Variants in PIGX observed in about 807,000 individuals in gnomAD.
PIGX encodes the protein phosphatidylinositol glycan anchor biosynthesis class X.
In PIGX, 24 loss-of-function variants were observed where a neutral mutation model predicts 28.7. That is an observed-to-expected ratio of 0.84 (90% CI 0.60 to 1.17). The LOEUF is 1.17. PIGX is among the 50% of genes most tolerant of loss of function. PIGX has a pLI of 0.00. For missense variants in PIGX, 305 were observed against 317.8 expected (o/e 0.96, Z 0.31); for synonymous variants, 127 against 121.0 (o/e 1.05, Z -0.33).
In PIGX at chr3:196,728,109, C is replaced by A. The variant is rs1460574197; in HGVS notation, c.505C>A (p.Pro169Thr). ...AGAAGCCTCGATTGTGGTCAATAACCCAGATTTGTTGATGTTTTGTGACCA... is the reference window on the plus strand; with the variant it reads ...AGAAGCCTCGATTGTGGTCAATAACACAGATTTGTTGATGTTTTGTGACCA... The change falls in exon 4 of 6, where the codon CCA (proline) becomes ACA (threonine). Residue 169 changes from proline (P) to threonine (T), a missense_variant. Pro to Thr is a conservative substitution (Grantham distance 38). Coordinates refer to ENST00000392391, the MANE Select transcript of PIGX (RefSeq NM_017861.4). 1.2e-6 allele frequency: 2 copies of A among 1,614,006 alleles called. No individual in the cohort carries two copies. Among genetic ancestry groups the A allele is most frequent in the Non-Finnish European group, 1.7e-6 (2 of 1,179,938 alleles).
At chr3:196,728,937 G>T (rs1712631080) in intron 4 of PIGX, among the ~76,000 whole-genome samples, 1 of 152,154 alleles carries the variant, frequency 6.6e-6, no homozygotes, top group South Asian at 2.1e-4. Context: ...TGTTTGGGAA[G>T]ATATTTTATC....
At chr3:196,726,569 A>C (rs1052867325) in intron 3 of PIGX, 1 of 427,874 alleles carries the variant, frequency 2.3e-6, no homozygotes, top group Non-Finnish European at 4.7e-6. Flanking sequence ...GTACTCTATG[A>C]GTACTTCAAA....
In PIGX at chr3:196,735,294, C is replaced by CAAAAAAAAAAAAAAAAAA. The variant is rs60317348; in HGVS notation, c.*1405_*1422dup. On this transcript the variant is annotated 3_prime_UTR_variant, in exon 6 of 6. Transcript: ENST00000392391. The stretch of plus-strand genomic sequence containing the variant: ...TGGGCGACAGAGTGAGACTCTGTCT[C>CAAAAAAAAAAAAAAAAAA]AAAAAAAAAAAAAAAAAAAAAAAAA... 8 of 45,236 alleles carry CAAAAAAAAAAAAAAAAAA rather than the reference C, an allele frequency of 1.8e-4. No homozygotes were observed. The highest frequency in any genetic ancestry group is 5.1e-3 in the East Asian group (2 of 390). The allele number at this position is 45,236 out of a possible 1,614,324, so 2.8% of individuals were successfully genotyped here. A position where few individuals can be genotyped will look rare whatever the true frequency, so the allele number is the denominator to read the frequency against.
rs1712919939 is a variant in PIGX, at chr3:196,733,997, G to C, written c.*95G>C. The C allele has an allele frequency of 1.2e-6, 1 of 843,796 alleles. No individual in the cohort carries two copies. Among genetic ancestry groups the C allele is most frequent in the Non-Finnish European group, 1.9e-6 (1 of 533,606 alleles). 52.3% of individuals were successfully genotyped at this position (843,796 alleles called of 1,614,324 possible). On this transcript the variant is annotated 3_prime_UTR_variant, in exon 6 of 6. Transcript: ENST00000392391. This position sits in a 1 kb window ranked among gnomAD's most constrained non-coding sequence, Gnocchi z 4.3. The stretch of plus-strand genomic sequence containing the variant: ...CTAGAATTAATTACTTTTATCTTTT[G>C]TCTTCATTTGTGGCCAAAATTATGT...
chr3:196,727,581 A>G (rs1577677679), intron 3 of PIGX, among the ~76,000 whole-genome samples: 1 of 152,328 alleles, frequency 6.6e-6, no homozygotes, highest in Non-Finnish European at 1.5e-5. Context: ...TACTTATTGA[A>G]TAATGCTATA....
At chr3:196,720,097 G>C (rs561317260) in intron 2 of PIGX, among the ~76,000 whole-genome samples, 41 of 152,304 alleles carry the variant, frequency 2.7e-4, no homozygotes, top group African/African-American at 8.4e-4. Context: ...CGATTTGTAA[G>C]TGTGCAATTC....
intron 1 of PIGX, among the ~76,000 whole-genome samples, chr3:196,713,694 G>T (rs1259495199): frequency 6.6e-6 from 1 of 151,906 alleles, no homozygotes; most frequent in Admixed American, 6.6e-5. Flanking sequence ...AAAATTAGCG[G>T]GGCGTGATGG....
At chr3:196,722,582 G>T in intron 3 of PIGX, 26 bp downstream of exon 3, 1 of 1,599,324 alleles carries the variant, frequency 6.3e-7, no homozygotes, top group South Asian at 1.1e-5. Context: ...GATTTTTTGG[G>T]AGAGAAATTA....
At chr3:196,713,653 A>C (rs576478794) in intron 1 of PIGX, among the ~76,000 whole-genome samples, 32 of 152,136 alleles carry the variant, frequency 2.1e-4, no homozygotes, top group African/African-American at 7.2e-4. Flanking sequence ...AGAGGCTTCC[A>C]ACGTTAGCAT....
intron 5 of PIGX, among the ~76,000 whole-genome samples, chr3:196,732,239 TATATA>T (rs1712808070): frequency 9.1e-5 from 6 of 65,934 alleles, no homozygotes; most frequent in African/African-American, 3.5e-4. Context: ...TATATATATA[TATATA>T]TATATATATA....
intron 3 of PIGX, 45 bp from the exon 4 acceptor site, chr3:196,727,878 C>T (rs759534334): frequency 1.5e-6 from 2 of 1,337,250 alleles, no homozygotes; most frequent in South Asian, 2.5e-5. Context: ...AAAAATCTTC[C>T]TCATTCATTT....
chr3:196,734,458 A>C lies in PIGX; in HGVS notation c.*556A>C, dbSNP rs1404181048. ...GGCATCTGTAGTCCCAGCTAATTGG[A>C]AGGGTGAGGCGGGAGGATCGCTTGA... On this transcript the variant is annotated 3_prime_UTR_variant, in exon 6 of 6. Coordinates refer to ENST00000392391, the MANE Select transcript of PIGX (RefSeq NM_017861.4). The C allele has an allele frequency of 6.6e-6, 1 of 152,256 alleles. No homozygotes were observed. Among genetic ancestry groups the C allele is most frequent in the African/African-American group, 2.4e-5 (1 of 41,400 alleles). The allele number at this position is 152,256 out of a possible 1,614,324, so 9.4% of individuals were successfully genotyped here.
rs543189336 is a variant in PIGX at position 196,714,905 on chromosome 3, A to G, written c.113-1953A>G. On this transcript the variant is annotated intron_variant, in intron 1 of 5. Coordinates refer to ENST00000392391, the MANE Select transcript of PIGX (RefSeq NM_017861.4). ...AGCCTGGCCAACGTGGTGAAACTCC[A>G]TCTCTACTAAAAATACAAGAATTAG... Among the ~76,000 whole-genome samples the G allele has an allele frequency of 1.9e-3, 288 of 152,182 alleles. 1 individual carries two copies. Among genetic ancestry groups the G allele is most frequent in the African/African-American group, 6.4e-3 (267 of 41,578 alleles).
intron 4 of PIGX, 80 bp downstream of exon 4, chr3:196,728,216 C>T (rs750106489): frequency 2.1e-5 from 24 of 1,126,932 alleles, no homozygotes; most frequent in Non-Finnish European, 1.3e-6. Context: ...GCTAGGCTGG[C>T]TGGCAAGGCC....
intron 1 of PIGX, among the ~76,000 whole-genome samples, chr3:196,713,640 T>A (rs1367936335): frequency 6.6e-6 from 1 of 151,978 alleles, no homozygotes; most frequent in Non-Finnish European, 1.5e-5. Flanking sequence ...TTTGGTAATC[T>A]GTAGAGGCTT....
intron 2 of PIGX, chr3:196,721,350 C>T (rs1356889725): frequency 6.1e-6 from 1 of 164,168 alleles, no homozygotes; most frequent in Non-Finnish European, 1.3e-5. Context: ...CTTTTAATTA[C>T]ATCTGGGTAA....
intron 1 of PIGX, chr3:196,712,938 C>G: frequency 3.0e-6 from 3 of 1,014,972 alleles, no homozygotes; most frequent in Non-Finnish European, 3.5e-6. Context: ...TCTTGGGATG[C>G]TCTTGAGCTG....
chr3:196,733,998 T>G lies in PIGX; in HGVS notation c.*96T>G, dbSNP rs1469566682. ...TAGAATTAATTACTTTTATCTTTTGTCTTCATTTGTGGCCAAAATTATGTT... is the reference window on the plus strand; with the variant it reads ...TAGAATTAATTACTTTTATCTTTTGGCTTCATTTGTGGCCAAAATTATGTT... On this transcript the variant is annotated 3_prime_UTR_variant, in exon 6 of 6. Transcript: ENST00000392391. The surrounding 1 kb of genome is among the most constrained non-coding windows in gnomAD (Gnocchi z 4.3). 5.9e-6 allele frequency: 5 copies of G among 845,340 alleles called. No individual in the cohort carries two copies. Among genetic ancestry groups the G allele is most frequent in the Non-Finnish European group, 7.5e-6 (4 of 534,010 alleles). 52.4% of individuals were successfully genotyped at this position (845,340 alleles called of 1,614,324 possible). A position where few individuals can be genotyped will look rare whatever the true frequency, so the allele number is the denominator to read the frequency against.
chr3:196,716,895 A>G lies in PIGX; in HGVS notation c.150A>G (p.Gln50=). The G allele has an allele frequency of 6.2e-7, 1 of 1,606,352 alleles. No homozygotes were observed. Among genetic ancestry groups the G allele is most frequent in the Admixed American group, 1.7e-5 (1 of 59,966 alleles). The change falls in exon 2 of 6, where the codon CAA becomes CAG. Residue 50 remains glutamine (Q), a synonymous_variant. Coordinates refer to ENST00000392391, the MANE Select transcript of PIGX (RefSeq NM_017861.4). ...TGTGTTCTGAAATTATTTTGAGGCA[A>G]GAAGTTTTGAAAGATGGTTTCCACA...
Sources: allele counts gnomAD v4.1 joint callset (sites outside exome capture counted in the v4.1 genomes callset), GRCh38; gene constraint gnomAD v4.1.1; non-coding constraint Gnocchi (gnomAD v3.1); transcripts MANE v1.5; gene names NCBI Gene and HGNC (gene_info 2026-07-23, HGNC 2026-07-21).